The following DENND1A variants were observed in gnomAD, a reference collection of about 807,000 sequenced individuals.
The protein encoded by DENND1A is DENN domain containing 1A.
In DENND1A, 51 loss-of-function variants were observed where a neutral mutation model predicts 113.7. That is an observed-to-expected ratio of 0.45 (90% CI 0.36 to 0.57). The LOEUF is 0.57. Among genes scored for constraint, DENND1A ranks in the 20% least tolerant of loss-of-function variants. The pLI is 0.00. For synonymous variants in DENND1A, 565 were observed against 570.8 expected (o/e 0.99, Z 0.14); for missense variants, 1,258 against 1,395.9 (o/e 0.90, Z 1.57).
intron 8 of DENND1A, among the ~76,000 whole-genome samples, chr9:123,660,785 A>G (rs896643481): frequency 2.2e-4 from 33 of 152,274 alleles, no homozygotes; most frequent in African/African-American, 8.0e-4. Context: ...ACAGGAGAAG[A>G]ATTAGTAATG....
At chr9:123,849,943 C>T (rs887516836) in intron 2 of DENND1A, among the ~76,000 whole-genome samples, 2 of 152,298 alleles carry the variant, frequency 1.3e-5, no homozygotes, top group South Asian at 2.1e-4. Flanking sequence ...GACTGAATTG[C>T]TGCGATCTCA....
Position 123,633,549 on chromosome 9 carries a change from C to T in DENND1A, c.619-3073G>A, listed in dbSNP as rs140470559. On this transcript the variant is annotated intron_variant, in intron 9 of 23. Transcript: ENST00000394215. ...CAGCTCTTTGGGAGGCTGAGGTGGG[C>T]GGATCACTTGAGATCAGGAGTTCAA... 3.0e-3 allele frequency among the ~76,000 whole-genome samples: 463 copies of T among 152,040 alleles called. 3 individuals are homozygous for T. The highest frequency in any genetic ancestry group is 0.011 in the African/African-American group (446 of 41,484).
chr9:123,710,718 G>GC (rs1764565678), intron 5 of DENND1A, among the ~76,000 whole-genome samples: 1 of 150,982 alleles, frequency 6.6e-6, no homozygotes, highest in African/African-American at 2.4e-5. Flanking sequence ...TGTTGCCCAG[G>GC]CTGGAGTGCA....
intron 18 of DENND1A, among the ~76,000 whole-genome samples, chr9:123,450,247 C>G (rs375252518): frequency 6.6e-6 from 1 of 152,182 alleles, no homozygotes; most frequent in Admixed American, 6.5e-5. Flanking sequence ...AGCCCCACCC[C>G]CTATGCTGTG....
intron 5 of DENND1A, among the ~76,000 whole-genome samples, chr9:123,743,604 T>C (rs929431303): frequency 6.7e-6 from 1 of 149,296 alleles, no homozygotes; most frequent in African/African-American, 2.5e-5. Flanking sequence ...TGGTCGTGGG[T>C]GCCTGTAAGC....
chr9:123,520,675 C>T (rs1300188414), intron 13 of DENND1A, among the ~76,000 whole-genome samples: 1 of 152,230 alleles, frequency 6.6e-6, no homozygotes, highest in Non-Finnish European at 1.5e-5. Flanking sequence ...CAGTGAGTTT[C>T]TCAATCAGCC....
At chr9:123,625,310 G>A (rs1253700473) in intron 10 of DENND1A, among the ~76,000 whole-genome samples, 1 of 152,220 alleles carries the variant, frequency 6.6e-6, no homozygotes, top group Non-Finnish European at 1.5e-5. Context: ...TAAAGGAGAT[G>A]GACCAGTGTT....
chr9:123,642,635 T>C (rs1375144474), intron 9 of DENND1A, among the ~76,000 whole-genome samples: 3 of 152,232 alleles, frequency 2.0e-5, no homozygotes, highest in Non-Finnish European at 4.4e-5. Flanking sequence ...TTGGTAAGTT[T>C]CCAGTTACAA....
intron 12 of DENND1A, among the ~76,000 whole-genome samples, chr9:123,560,796 A>G (rs1236496817): frequency 6.6e-6 from 1 of 152,092 alleles, no homozygotes; most frequent in Non-Finnish European, 1.5e-5. Context: ...TTCCTTTGGA[A>G]GCAGTTTGAA....
chr9:123,634,332 A>C (rs762168150), intron 9 of DENND1A, among the ~76,000 whole-genome samples: 7 of 152,222 alleles, frequency 4.6e-5, no homozygotes, highest in Non-Finnish European at 8.8e-5. Context: ...GATTAAGAAA[A>C]CAAACAAACA....
At chr9:123,720,321 G>A (rs557846419) in intron 5 of DENND1A, among the ~76,000 whole-genome samples, 33 of 152,170 alleles carry the variant, frequency 2.2e-4, no homozygotes, top group Non-Finnish European at 3.8e-4. Flanking sequence ...CCAGGGCTCC[G>A]AGGGAAAATG....
chr9:123,707,855 G>A (rs2066329900), intron 5 of DENND1A, among the ~76,000 whole-genome samples: 1 of 152,166 alleles, frequency 6.6e-6, no homozygotes, highest in Admixed American at 6.5e-5. Flanking sequence ...AGGAGAAATA[G>A]CTACATGCTT....
chr9:123,442,203 G>A (rs1420216499), intron 18 of DENND1A, among the ~76,000 whole-genome samples: 1 of 152,198 alleles, frequency 6.6e-6, no homozygotes, highest in African/African-American at 2.4e-5. Context: ...AAGGCTGCCT[G>A]TAGAGGCCAG....
intron 1 of DENND1A, among the ~76,000 whole-genome samples, chr9:123,903,343 A>C (rs1226460612): frequency 6.7e-6 from 1 of 149,086 alleles, no homozygotes; most frequent in Non-Finnish European, 1.5e-5. Context: ...AAAAAAAAAA[A>C]AAAAAAAAAA....
At chr9:123,500,484 C>G (rs961421447) in intron 13 of DENND1A, among the ~76,000 whole-genome samples, 5 of 152,224 alleles carry the variant, frequency 3.3e-5, no homozygotes, top group African/African-American at 9.7e-5. Context: ...GCATTTCCCC[C>G]CTTCACTGTC....
intron 21 of DENND1A, among the ~76,000 whole-genome samples, chr9:123,392,418 T>G (rs2042904167): frequency 6.6e-6 from 1 of 152,062 alleles, no homozygotes; most frequent in African/African-American, 2.4e-5. Context: ...TGGTGATCAT[T>G]TTTGAAAGGA....
intron 1 of DENND1A, among the ~76,000 whole-genome samples, chr9:123,895,613 C>A (rs1850619702): frequency 6.8e-6 from 1 of 147,588 alleles, no homozygotes. Context: ...TAGAGTGAGA[C>A]TCTGACTCAA....
chr9:123,439,840 A>C (rs1022422978), intron 19 of DENND1A: 2 of 152,248 alleles, frequency 1.3e-5, no homozygotes, highest in Middle Eastern at 3.2e-3. Flanking sequence ...CAATTTTTCT[A>C]ATGCTCAGGT....
intron 13 of DENND1A, among the ~76,000 whole-genome samples, chr9:123,470,365 C>CGCCAGGGGTTGCCTCACTCAT (rs71963001): frequency 0.025 from 18 of 710 alleles, 1 homozygote; most frequent in Non-Finnish European, 0.043. Context: ...ACGTGGCCAG[C>CGCCAGGGGTTGCCTCACTCAT]GCCAGGGGTT....
Sources: allele counts gnomAD v4.1 joint callset (sites outside exome capture counted in the v4.1 genomes callset), GRCh38; gene constraint gnomAD v4.1.1; transcripts MANE v1.5; gene names NCBI Gene and HGNC (gene_info 2026-07-23, HGNC 2026-07-21).